The following HTR2C variants were observed in gnomAD, a reference collection of about 807,000 sequenced individuals.
HTR2C encodes the protein 5-hydroxytryptamine (serotonin) receptor 2C, G protein-coupled.
In HTR2C, 5 loss-of-function variants were observed where a neutral mutation model predicts 21.0. The ratio of observed to expected loss-of-function variants is 0.24; its 90% CI spans 0.12 to 0.50. The LOEUF (loss-of-function observed/expected upper bound fraction) is 0.50, where lower values mean the gene tolerates loss of function less well. HTR2C is among the 20% of genes least tolerant of loss of function. The pLI is 0.98. For missense variants in HTR2C, 271 were observed against 371.2 expected (o/e 0.73, Z 2.22); for synonymous variants, 150 against 145.3 (o/e 1.03, Z -0.23).
At chrX:114,831,989 G>A (rs1280984023) in intron 4 of HTR2C, among the ~76,000 whole-genome samples, 2 of 58,931 alleles carry the variant, frequency 3.4e-5, no homozygotes, top group Non-Finnish European at 6.2e-5. Flanking sequence ...TGTCAGGTTT[G>A]TCAAAGATCA....
chrX:114,707,500 A>G (rs142578650), intron 2 of HTR2C, among the ~76,000 whole-genome samples: 2 of 111,855 alleles, frequency 1.8e-5, no homozygotes, highest in Admixed American at 9.5e-5. Context: ...TATAAAACCT[A>G]AAGATGTAAA....
chrX:114,633,912 C>T (rs1416165690), intron 2 of HTR2C, among the ~76,000 whole-genome samples: 4 of 97,909 alleles, frequency 4.1e-5, no homozygotes, highest in Admixed American at 1.2e-4. Context: ...TAAAAAAGTA[C>T]GTTAAATATA....
chrX:114,883,296 CTGTT>C (rs1206357989), intron 5 of HTR2C, among the ~76,000 whole-genome samples: 1 of 110,643 alleles, frequency 9.0e-6, no homozygotes, highest in Non-Finnish European at 1.9e-5. Context: ...ATCTATCTAT[CTGTT>C]TATCTATCAT....
At chrX:114,836,131 A>T (rs2070780158) in intron 4 of HTR2C, among the ~76,000 whole-genome samples, 1 of 107,481 alleles carries the variant, frequency 9.3e-6, no homozygotes, top group South Asian at 4.3e-4. Flanking sequence ...GGGACATTTA[A>T]GTCTGCAGAG....
chrX:114,744,824 A>G (rs1040446324), intron 4 of HTR2C, among the ~76,000 whole-genome samples: 2 of 112,182 alleles, frequency 1.8e-5, no homozygotes, highest in African/African-American at 6.5e-5. Context: ...TTAAAAAGAG[A>G]GAAAACTCAA....
Position 114,669,524 on chromosome X carries a change from T to C in HTR2C, c.-80+55643T>C, listed in dbSNP as rs781978988. Among the ~76,000 whole-genome samples, 9 of 111,859 alleles carry C rather than the reference T, an allele frequency of 8.0e-5. No homozygotes were observed. In the South Asian group the frequency reaches 2.6e-3, roughly 33 times the overall value. On this transcript the variant is annotated intron_variant, in intron 2 of 5. Coordinates refer to ENST00000276198, the MANE Select transcript of HTR2C (RefSeq NM_000868.4). ...CATCAGGCAAGCCAGTGAACCAGGT[T>C]GTTGAACAAATTAAGCTTATTACCA...
chrX:114,761,921 GTA>G (rs1250336168), intron 4 of HTR2C, among the ~76,000 whole-genome samples: 5 of 108,312 alleles, frequency 4.6e-5, no homozygotes, highest in Admixed American at 3.9e-4. Flanking sequence ...ATATATACGT[GTA>G]TATATACATA....
At chrX:114,893,314 T>C (rs1023781029) in intron 5 of HTR2C, among the ~76,000 whole-genome samples, 6 of 111,267 alleles carry the variant, frequency 5.4e-5, no homozygotes, top group Non-Finnish European at 9.4e-5. Context: ...ACATACAATA[T>C]AGCTAAAGTA....
At chrX:114,846,778 G>C (rs2070877127) in intron 4 of HTR2C, among the ~76,000 whole-genome samples, 1 of 112,215 alleles carries the variant, frequency 8.9e-6, no homozygotes, top group African/African-American at 3.2e-5. Context: ...TATTTATCAT[G>C]GTACTGAAAA....
At chrX:114,740,505 A>G (rs1556425158) in intron 4 of HTR2C, among the ~76,000 whole-genome samples, 1 of 111,943 alleles carries the variant, frequency 8.9e-6, no homozygotes, top group Non-Finnish European at 1.9e-5. Context: ...AGCAACATAT[A>G]TATGTGTGAG....
At chrX:114,620,770 T>A in intron 2 of HTR2C, among the ~76,000 whole-genome samples, 1 of 112,522 alleles carries the variant, frequency 8.9e-6, no homozygotes, top group Middle Eastern at 4.6e-3. Flanking sequence ...CATTTTATTA[T>A]CCTGGTCATG....
chrX:114,891,729 G>C (rs1004711547), intron 5 of HTR2C, among the ~76,000 whole-genome samples: 1 of 110,571 alleles, frequency 9.0e-6, no homozygotes, highest in Non-Finnish European at 1.9e-5. Flanking sequence ...AATTCATGCT[G>C]TATGTCCTGA....
chrX:114,795,625 C>A (rs1189519862), intron 4 of HTR2C, among the ~76,000 whole-genome samples: 2 of 111,480 alleles, frequency 1.8e-5, no homozygotes, highest in Non-Finnish European at 3.8e-5. Flanking sequence ...ATAAGGAATC[C>A]TTTCCCCATT....
At chrX:114,888,295 G>A (rs2071235805) in intron 5 of HTR2C, among the ~76,000 whole-genome samples, 1 of 111,593 alleles carries the variant, frequency 9.0e-6, no homozygotes, top group South Asian at 3.7e-4. Context: ...AGGTCTTTAG[G>A]CTTGCTTCTC....
At chrX:114,649,438 A>G (rs1930473229) in intron 2 of HTR2C, among the ~76,000 whole-genome samples, 1 of 111,835 alleles carries the variant, frequency 8.9e-6, no homozygotes, top group Non-Finnish European at 1.9e-5. Flanking sequence ...TGTTTATCCT[A>G]CTGTAAACAC....
In HTR2C at chrX:114,598,286, T is replaced by C. The variant is rs1927945455; in HGVS notation, c.-147+13627T>C. ...TGCCATTTTCACTATCACCTAAACA[T>C]AGAGTGGCCAAACCTCTTTTTGACT... On this transcript the variant is annotated intron_variant, in intron 1 of 5. Coordinates refer to ENST00000276198, the MANE Select transcript of HTR2C (RefSeq NM_000868.4). Among the ~76,000 whole-genome samples, 3 of 111,806 alleles carry C rather than the reference T, an allele frequency of 2.7e-5. No individual in the cohort carries two copies. The South Asian group carries it at 1.1e-3, about 41-fold the overall frequency.
At chrX:114,844,225 T>C (rs2070857014) in intron 4 of HTR2C, among the ~76,000 whole-genome samples, 1 of 111,574 alleles carries the variant, frequency 9.0e-6, no homozygotes, top group Non-Finnish European at 1.9e-5. Context: ...TTATGACCAA[T>C]AGCAACATAA....
At chrX:114,862,559 T>C (rs782378461) in intron 5 of HTR2C, among the ~76,000 whole-genome samples, 15 of 111,141 alleles carry the variant, frequency 1.3e-4, no homozygotes, top group Non-Finnish European at 2.5e-4. Flanking sequence ...AATCTCTATA[T>C]TGCTTTGGGC....
At chrX:114,598,376 T>C (rs189895256) in intron 1 of HTR2C, among the ~76,000 whole-genome samples, 4 of 111,903 alleles carry the variant, frequency 3.6e-5, no homozygotes, top group Non-Finnish European at 7.5e-5. Context: ...TCCATGAGTC[T>C]GGAGTCATTC....
Sources: allele counts gnomAD v4.1 joint callset (sites outside exome capture counted in the v4.1 genomes callset), GRCh38; gene constraint gnomAD v4.1.1; transcripts MANE v1.5; gene names NCBI Gene and HGNC (gene_info 2026-07-23, HGNC 2026-07-21).